SP140: variants seen among roughly 807,000 people sequenced by gnomAD.
SP140 encodes SP140 nuclear body protein, also known as nuclear body protein SP140.
In SP140, 81 loss-of-function variants were observed where a neutral mutation model predicts 125.0. That is an observed-to-expected ratio of 0.65 (90% CI 0.54 to 0.78). The LOEUF is 0.78. SP140 is among the 30% of genes least tolerant of loss of function. The pLI is 0.00. For synonymous variants in SP140, 312 were observed against 354.0 expected, an observed-to-expected ratio of 0.88 and a Z score of 1.33; for missense variants, 858 against 1,037.0, an observed-to-expected ratio of 0.83 and a Z score of 2.37.
At chr2:230,201,329 T>C (rs1030475989), upstream of SP140, among the ~76,000 whole-genome samples, 1 of 152,220 alleles carries the variant, frequency 6.6e-6, no homozygotes, top group Admixed American at 6.5e-5. Context: ...CATAATATGA[T>C]GTTATTTGCC....
chr2:230,307,988 T>TATATATAC (rs1553607408), intron 22 of SP140, among the ~76,000 whole-genome samples: 31 of 74,410 alleles, frequency 4.2e-4, no homozygotes, highest in African/African-American at 1.7e-3. Context: ...TATATATATA[T>TATATATAC]ATACACACAC....
intron 12 of SP140, among the ~76,000 whole-genome samples, chr2:230,256,235 G>A (rs926417093): frequency 3.9e-5 from 6 of 152,026 alleles, no homozygotes; most frequent in African/African-American, 1.5e-4. Context: ...TATGTTTATT[G>A]TGGCACTATT....
the SP140 span, among the ~76,000 whole-genome samples, chr2:230,188,968 C>T: frequency 2.0e-5 from 3 of 152,050 alleles, no homozygotes; most frequent in African/African-American, 7.2e-5. Flanking sequence ...TTTATTTCCT[C>T]TAGATTTTTC....
chr2:230,280,082 C>G (rs752038170), intron 15 of SP140, among the ~76,000 whole-genome samples: 1 of 152,208 alleles, frequency 6.6e-6, no homozygotes, highest in Non-Finnish European at 1.5e-5. Flanking sequence ...AAATTTGTGT[C>G]CATAGTAATT....
Position 230,277,636 on chromosome 2 carries a change from T to G in SP140, c.1499-6710T>G, listed in dbSNP as rs144673548. On this transcript the variant is annotated intron_variant, in intron 15 of 26. Coordinates refer to ENST00000392045, the MANE Select transcript of SP140 (RefSeq NM_007237.5). ...TATGGTTTCCAGGTTTTATGTAAAA[T>G]TTGCAAATATATTGTCCACCTCATA... is the stretch of plus-strand genomic sequence containing the variant. Among the ~76,000 whole-genome samples, 11 of 152,248 alleles carry G rather than the reference T, an allele frequency of 7.2e-5. No individual in the cohort carries two copies. In the East Asian group the frequency reaches 1.9e-3, roughly 27 times the overall value.
At position 230,214,931 on chromosome 2, in the gene SP140, A is replaced by G. The variant is rs370519378; in HGVS notation, c.-91+857A>G. On this transcript the variant is annotated intron_variant, in intron 3 of 4. Transcript: ENST00000456542. ...TAGCAACTTTTTAAATGCAAAAAGC[A>G]CTTGAGAAATCTCATTACCACGTTT... is the stretch of plus-strand genomic sequence containing the variant. The G allele has an allele frequency of 1.2e-5, 19 of 1,610,540 alleles. No individual in the cohort carries two copies. In the African/African-American group the frequency reaches 2.5e-4, roughly 22 times the overall value.
chr2:230,201,209 T>C (rs1256284840), upstream of SP140, among the ~76,000 whole-genome samples: 1 of 152,236 alleles, frequency 6.6e-6, no homozygotes, highest in East Asian at 1.9e-4. Context: ...ACATCCACAG[T>C]GGGGTGCAGC....
intron 13 of SP140, 102 bp downstream of exon 13, chr2:230,269,720 A>C: frequency 1.9e-6 from 2 of 1,057,544 alleles, no homozygotes; most frequent in Admixed American, 4.2e-5. Context: ...TATAAGGAGG[A>C]GCAGTGAAAG....
chr2:230,294,365 T>A, intron 21 of SP140, 47 bp downstream of exon 21: 2 of 1,428,772 alleles, frequency 1.4e-6, no homozygotes, highest in Non-Finnish European at 9.9e-7. Flanking sequence ...ATAACTGATT[T>A]AGCATGCACA....
intron 1 of SP140, chr2:230,212,242 A>C (rs1380247403): frequency 2.4e-6 from 2 of 825,224 alleles, no homozygotes; most frequent in Non-Finnish European, 4.2e-6. Context: ...TGTATTGCTC[A>C]GTTCTTTTTC....
At chr2:230,253,195 G>A in intron 10 of SP140, 121 bp from the exon 11 acceptor site, 1 of 703,998 alleles carries the variant, frequency 1.4e-6, no homozygotes, top group Non-Finnish European at 2.5e-6. Flanking sequence ...AGGAGAAAGA[G>A]GAGATGTAAC....
intron 3 of SP140, 60 bp downstream of exon 3, chr2:230,238,441 C>G: frequency 6.9e-7 from 1 of 1,457,280 alleles, no homozygotes. Context: ...TTGATTCATT[C>G]ATTCACTCTT....
In SP140 at chr2:230,290,823, G is replaced by A. The variant is rs142008433; in HGVS notation, c.1825+259G>A. On this transcript the variant is annotated intron_variant, in intron 19 of 26. Transcript: ENST00000392045. Reference sequence around the variant, plus strand: ...GAACATCAATTCACAGATGAAAAATGTCACGTATTTTACTTTGAATCAGAC... The same window carrying A: ...GAACATCAATTCACAGATGAAAAATATCACGTATTTTACTTTGAATCAGAC... Among the ~76,000 whole-genome samples the A allele has an allele frequency of 2.6e-3, 403 of 152,326 alleles. 2 individuals are homozygous for A. Among genetic ancestry groups the A allele is most frequent in the African/African-American group, 8.8e-3 (364 of 41,572 alleles).
chr2:230,289,095 G>A (rs1473675575), intron 18 of SP140, among the ~76,000 whole-genome samples: 1 of 152,214 alleles, frequency 6.6e-6, no homozygotes, highest in Non-Finnish European at 1.5e-5. Flanking sequence ...CAGTGTTAAA[G>A]CTTACCTATT....
chr2:230,196,081 G>A, the SP140 span, among the ~76,000 whole-genome samples: 1 of 152,134 alleles, frequency 6.6e-6, no homozygotes, highest in Non-Finnish European at 1.5e-5. Context: ...ATCCAGCATT[G>A]AGGATGTAGG....
chr2:230,199,937 C>G (rs1408485772), upstream of SP140, among the ~76,000 whole-genome samples: 4 of 152,086 alleles, frequency 2.6e-5, no homozygotes, highest in East Asian at 7.7e-4. Flanking sequence ...GCAGCCAGCC[C>G]TTACCCAGGG....
rs542467646 is a variant in SP140 at position 230,203,182 on chromosome 2, TGA to T, written c.-416_-415del. ...GCAAAGTGCAAGGTATTAAAAAAAC[TGA>T]GAGGGAAGGACCCTGCCAAGAAGGC... is the stretch of plus-strand genomic sequence containing the variant. On this transcript the variant is annotated 5_prime_UTR_variant, in exon 1 of 5. Coordinates refer to the SP140 transcript ENST00000456542. The T allele has an allele frequency of 2.0e-3, 378 of 189,564 alleles. 1 individual carries two copies. Among genetic ancestry groups the T allele is most frequent in the African/African-American group, 8.0e-3 (340 of 42,346 alleles). The allele number at this position is 189,564 out of a possible 1,614,324, so 11.7% of individuals were successfully genotyped here. A position where few individuals can be genotyped will look rare whatever the true frequency, so the allele number is the denominator to read the frequency against.
chr2:230,243,861 G>A (rs2149160519), intron 5 of SP140, 50 bp downstream of exon 5: 1 of 1,274,462 alleles, frequency 7.8e-7, no homozygotes, highest in East Asian at 2.3e-5. Context: ...GTCAGGAGGT[G>A]GAATTCAGAG....
chr2:230,296,327 G>A (rs1431859735), intron 21 of SP140, among the ~76,000 whole-genome samples: 1 of 152,204 alleles, frequency 6.6e-6, no homozygotes, highest in Non-Finnish European at 1.5e-5. Context: ...AGTTGGAGAG[G>A]CATTCAGTGA....
Sources: gnomAD v4.1 joint callset for allele counts (sites outside exome capture counted in the v4.1 genomes callset) on GRCh38, gnomAD v4.1.1 for gene constraint, MANE v1.5 for transcripts, NCBI Gene and HGNC (gene_info 2026-07-23, HGNC 2026-07-21) for gene names.